Variants in AUTS2 observed in about 807,000 individuals in gnomAD.
AUTS2 encodes autism susceptibility gene 2 protein.
AUTS2 carries 17 observed loss-of-function variants against 112.4 expected under a neutral mutation model. The observed-to-expected ratio is 0.15, with a 90% confidence interval of 0.10 to 0.23. AUTS2 has a LOEUF of 0.23. Among genes scored for constraint, AUTS2 ranks in the 10% least tolerant of loss-of-function variants. The pLI is 1.00. For missense variants in AUTS2, 1,510 were observed against 1,701.6 expected (o/e 0.89, Z 1.98); for synonymous variants, 751 against 702.7 (o/e 1.07, Z -1.09).
intron 5 of AUTS2, among the ~76,000 whole-genome samples, chr7:70,636,338 G>A (rs1240190770): frequency 2.0e-5 from 3 of 152,170 alleles, no homozygotes; most frequent in Non-Finnish European, 4.4e-5. Flanking sequence ...CTGTGTTGCA[G>A]CCAGTCCTCT....
intron 5 of AUTS2, among the ~76,000 whole-genome samples, chr7:70,554,300 C>G (rs759953510): frequency 3.3e-5 from 5 of 151,350 alleles, no homozygotes; most frequent in Non-Finnish European, 5.9e-5. Context: ...AACTCCTGAC[C>G]TCAGGTGATC....
chr7:70,085,556 AG>A (rs1803555707), intron 2 of AUTS2, among the ~76,000 whole-genome samples: 1 of 151,976 alleles, frequency 6.6e-6, no homozygotes, highest in Non-Finnish European at 1.5e-5. Flanking sequence ...TAGTAGAGAC[AG>A]GGTTTCACCA....
Position 70,791,173 on chromosome 7 carries a change from T to G in AUTS2, c.*177T>G. On this transcript the variant is annotated 3_prime_UTR_variant, in exon 19 of 19. Coordinates refer to ENST00000342771, the MANE Select transcript of AUTS2 (RefSeq NM_015570.4). ...TTGAAATGTTTTGTATATTATATGT[T>G]GAGATTTTTCAGATCTTTTAGCCCA... is the stretch of plus-strand genomic sequence containing the variant. The G allele has an allele frequency of 1.7e-6, 1 of 602,106 alleles. No individual in the cohort carries two copies. Among genetic ancestry groups the G allele is most frequent in the Non-Finnish European group, 2.4e-6 (1 of 410,026 alleles). 37.3% of individuals were successfully genotyped at this position (602,106 alleles called of 1,614,324 possible).
At chr7:70,229,048 A>G (rs574078016) in intron 4 of AUTS2, among the ~76,000 whole-genome samples, 2 of 151,980 alleles carry the variant, frequency 1.3e-5, no homozygotes, top group East Asian at 1.9e-4. Flanking sequence ...TCTATATTAT[A>G]TGTCCTACAA....
rs1554424759 is a variant in AUTS2 at position 70,003,210 on chromosome 7, A to ATATATTATATATGAG, written c.522+103726_522+103727insGTATATTATATATGA. The stretch of plus-strand genomic sequence containing the variant: ...TTATATATGAATATATTATATATGA[A>ATATATTATATATGAG]TATATTATATATGAATATATTATAT... On this transcript the variant is annotated intron_variant, in intron 2 of 18. Coordinates refer to ENST00000342771, the MANE Select transcript of AUTS2 (RefSeq NM_015570.4). Among the ~76,000 whole-genome samples the ATATATTATATATGAG allele has an allele frequency of 4.0e-3, 534 of 134,334 alleles. 8 individuals are homozygous for ATATATTATATATGAG. Among genetic ancestry groups the ATATATTATATATGAG allele is most frequent in the African/African-American group, 0.014 (513 of 35,896 alleles). The allele number at this position is 134,334 out of a possible 152,430, so 88.1% of individuals were successfully genotyped here. A position where few individuals can be genotyped will look rare whatever the true frequency, so the allele number is the denominator to read the frequency against.
At chr7:69,803,469 C>T (rs1375626886) in intron 1 of AUTS2, among the ~76,000 whole-genome samples, 1 of 152,078 alleles carries the variant, frequency 6.6e-6, no homozygotes, top group East Asian at 1.9e-4. Context: ...TGGTTTCTCT[C>T]CTCTGTTTCC....
At chr7:70,443,884 G>A (rs1796214130) in intron 5 of AUTS2, among the ~76,000 whole-genome samples, 1 of 152,210 alleles carries the variant, frequency 6.6e-6, no homozygotes, top group African/African-American at 2.4e-5. Context: ...GGGACTAGGT[G>A]GAGAGCTAGC....
chr7:70,697,213 C>T (rs1348946464), intron 5 of AUTS2, among the ~76,000 whole-genome samples: 1 of 151,974 alleles, frequency 6.6e-6, no homozygotes, highest in Non-Finnish European at 1.5e-5. Flanking sequence ...CTGTATTTTT[C>T]ATTATTCCTG....
chr7:70,609,718 C>T (rs1227686624), intron 5 of AUTS2, among the ~76,000 whole-genome samples: 5 of 152,088 alleles, frequency 3.3e-5, no homozygotes, highest in Non-Finnish European at 5.9e-5. Flanking sequence ...TGAGCCACCA[C>T]GCCCGGCCAG....
chr7:69,618,037 A>G (rs1271334392), intron 1 of AUTS2, among the ~76,000 whole-genome samples: 1 of 152,206 alleles, frequency 6.6e-6, no homozygotes, highest in Non-Finnish European at 1.5e-5. Flanking sequence ...AACTCTGTAT[A>G]ATAGGTCACA....
chr7:70,671,200 A>T (rs1807622178), intron 5 of AUTS2, among the ~76,000 whole-genome samples: 1 of 152,142 alleles, frequency 6.6e-6, no homozygotes, highest in Non-Finnish European at 1.5e-5. Flanking sequence ...CAAACAAACA[A>T]AAACAAACAA....
intron 2 of AUTS2, among the ~76,000 whole-genome samples, chr7:69,992,203 C>A (rs75328083): frequency 0.03 from 4,574 of 152,194 alleles, 234 homozygotes; most frequent in African/African-American, 0.1. Flanking sequence ...CATATAACAA[C>A]TATAATTTAA....
intron 1 of AUTS2, chr7:69,643,372 G>C (rs1452719612): frequency 6.5e-6 from 1 of 153,584 alleles, no homozygotes. Flanking sequence ...CAGGAGGCAA[G>C]GGTCATGGGG....
rs1808982265 is a variant in AUTS2 at position 70,694,798 on chromosome 7, G to T, written c.691-3771G>T. ...GCCGCGCTGGATGTGTGCGCGCGGCGCCGGCTCTCGGTCGCCCCGAAGCTG... is the reference window on the plus strand; with the variant it reads ...GCCGCGCTGGATGTGTGCGCGCGGCTCCGGCTCTCGGTCGCCCCGAAGCTG... On this transcript the variant is annotated intron_variant, in intron 5 of 18. Transcript: ENST00000342771. The surrounding 1 kb of genome is among the most constrained non-coding windows in gnomAD (Gnocchi z 4.1). The T allele has an allele frequency of 6.6e-6, 1 of 151,054 alleles. No homozygotes were observed. Among genetic ancestry groups the T allele is most frequent in the African/African-American group, 2.4e-5 (1 of 41,304 alleles). 9.4% of individuals were successfully genotyped at this position (151,054 alleles called of 1,614,324 possible).
rs149969833 is a variant in AUTS2 at position 70,741,590 on chromosome 7, C to T, written c.743-21280C>T. On this transcript the variant is annotated intron_variant, in intron 6 of 18. Coordinates refer to ENST00000342771, the MANE Select transcript of AUTS2 (RefSeq NM_015570.4). Reference sequence around the variant, plus strand: ...CCTGTAATCCCAGCTACTTAGGAGACTGAGGCAGGAGAATTGCTTGAACCC... The same window carrying T: ...CCTGTAATCCCAGCTACTTAGGAGATTGAGGCAGGAGAATTGCTTGAACCC... Among the ~76,000 whole-genome samples the T allele has an allele frequency of 5.4e-3, 810 of 151,328 alleles. 18 individuals carry two copies. The highest frequency in any genetic ancestry group is 0.038 in the South Asian group (181 of 4,790).
chr7:70,581,165 C>T (rs1802418326), intron 5 of AUTS2, among the ~76,000 whole-genome samples: 1 of 152,080 alleles, frequency 6.6e-6, no homozygotes, highest in Admixed American at 6.5e-5. Flanking sequence ...GGCAGATCAC[C>T]TGAGGTCGGG....
chr7:69,947,029 T>C (rs1236253873), intron 2 of AUTS2, among the ~76,000 whole-genome samples: 1 of 152,208 alleles, frequency 6.6e-6, no homozygotes, highest in African/African-American at 2.4e-5. Flanking sequence ...ACTGCTTTTT[T>C]CAGCAGCCAG....
chr7:69,800,353 A>G (rs932920587), intron 1 of AUTS2, among the ~76,000 whole-genome samples: 5 of 152,218 alleles, frequency 3.3e-5, no homozygotes, highest in Non-Finnish European at 7.3e-5. Context: ...CAGGGAAAGC[A>G]GGGGAAGCGG....
intron 2 of AUTS2, among the ~76,000 whole-genome samples, chr7:69,917,850 T>C (rs550969741): frequency 1.6e-3 from 239 of 152,086 alleles, no homozygotes; most frequent in African/African-American, 5.7e-3. Flanking sequence ...GTTGTTGTTG[T>C]TGTTGTTGTT....
Sources: gnomAD v4.1 joint callset for allele counts (sites outside exome capture counted in the v4.1 genomes callset) on GRCh38, gnomAD v4.1.1 for gene constraint, Gnocchi (gnomAD v3.1) non-coding constraint, MANE v1.5 for transcripts, NCBI Gene and HGNC (gene_info 2026-07-23, HGNC 2026-07-21) for gene names.